The following USP38 variants were observed in gnomAD, a reference collection of about 807,000 sequenced individuals.
USP38 encodes the protein ubiquitin specific peptidase 38.
USP38 carries 49 observed loss-of-function variants against 94.3 expected under a neutral mutation model. The ratio of observed to expected loss-of-function variants is 0.52; its 90% confidence interval spans 0.41 to 0.66. The LOEUF (loss-of-function observed/expected upper bound fraction) is 0.66, where lower values mean the gene tolerates loss of function less well. USP38 is among the 30% of genes least tolerant of loss of function. The pLI, the probability that USP38 is intolerant of heterozygous loss-of-function variation, is 0.00. For synonymous variants in USP38, 468 were observed against 463.6 expected (o/e 1.01, Z -0.12); for missense variants, 1,128 against 1,229.4 (o/e 0.92, Z 1.23).
At chr4:143,202,879 C>T (rs993586904) in intron 4 of USP38, among the ~76,000 whole-genome samples, 2 of 152,064 alleles carry the variant, frequency 1.3e-5, no homozygotes, top group Non-Finnish European at 2.9e-5. Context: ...GGCATGGTCT[C>T]TGTGCTTATC....
In USP38 at chr4:143,203,006, A is replaced by G. The variant is rs550687559; in HGVS notation, c.1051-402A>G. On this transcript the variant is annotated intron_variant, in intron 4 of 9. Coordinates refer to ENST00000307017, the MANE Select transcript of USP38 (RefSeq NM_032557.6). ...CTTTCAAGTAAAAAATTTTAGATTC[A>G]CACTAGATGGAGCTCTTTAGCTAAT... 2.6e-5 allele frequency among the ~76,000 whole-genome samples: 4 copies of G among 152,236 alleles called. No individual in the cohort carries two copies. The East Asian group carries it at 7.7e-4, about 29-fold the overall frequency.
intron 6 of USP38, among the ~76,000 whole-genome samples, chr4:143,208,859 A>G (rs1731944694): frequency 6.6e-6 from 1 of 151,772 alleles, no homozygotes; most frequent in South Asian, 2.1e-4. Context: ...TCTTTATTTT[A>G]AGTACTTCAG....
At chr4:143,217,658 G>T (rs973564888) in intron 9 of USP38, among the ~76,000 whole-genome samples, 2 of 151,914 alleles carry the variant, frequency 1.3e-5, no homozygotes, top group African/African-American at 4.8e-5. Context: ...CTTTTTTTAG[G>T]ATTTCATTTT....
rs560147899 is a variant in USP38 at position 143,203,328 on chromosome 4, G to A, written c.1051-80G>A. ...GAAAAGTATCTGCTGATCATATATC[G>A]TTTGTGTTCTGTTTGTAGGCTAGAG... On this transcript the variant is annotated intron_variant, in intron 4 of 9. Transcript: ENST00000307017. 66 of 1,384,148 alleles carry A rather than the reference G, an allele frequency of 4.8e-5. No individual in the cohort carries two copies. In the Admixed American group the frequency reaches 4.9e-4, roughly 10 times the overall value. The allele number at this position is 1,384,148 out of a possible 1,614,324, so 85.7% of individuals were successfully genotyped here. A position where few individuals can be genotyped will look rare whatever the true frequency, so the allele number is the denominator to read the frequency against.
chr4:143,214,496 T>C lies in USP38; in HGVS notation c.2520T>C (p.Tyr840=). ...CTTCCTGCACAAAATTGGTGCCCTA[T>C]CTATTAAGTTCCGTTGTGGTTCACT... ...DEASCTKLVP[Y]LLSSVVVHSG... The change falls in exon 9 of 10, where the codon TAT becomes TAC. Residue 840 remains tyrosine, a synonymous_variant. Coordinates refer to ENST00000307017, the MANE Select transcript of USP38 (RefSeq NM_032557.6). 1.9e-6 allele frequency: 3 copies of C among 1,613,412 alleles called. No individual in the cohort carries two copies. Among genetic ancestry groups the C allele is most frequent in the Non-Finnish European group, 2.5e-6 (3 of 1,179,740 alleles).
intron 1 of USP38, 102 bp downstream of exon 1, chr4:143,186,234 C>A (rs909006226): frequency 2.4e-6 from 3 of 1,259,038 alleles, no homozygotes; most frequent in Non-Finnish European, 2.2e-6. Context: ...TAAAAACATT[C>A]TTAAGCGAGA....
At chr4:143,218,358 TTGATATAAATTTG>T (rs1256811740) in intron 9 of USP38, among the ~76,000 whole-genome samples, 7 of 152,262 alleles carry the variant, frequency 4.6e-5, no homozygotes, top group African/African-American at 1.7e-4. Context: ...ACTTTAGTAC[TTGATATAAATTTG>T]TGATATAAAT....
At position 143,222,681 on chromosome 4, in the gene USP38, T is replaced by G. The variant is rs1732354243; in HGVS notation, c.*2225T>G. 1 of 152,042 alleles carries G rather than the reference T, an allele frequency of 6.6e-6. No individual in the cohort carries two copies. The highest frequency in any genetic ancestry group is 2.4e-5 in the African/African-American group (1 of 41,434). The allele number at this position is 152,042 out of a possible 1,614,324, so 9.4% of individuals were successfully genotyped here. On this transcript the variant is annotated 3_prime_UTR_variant, in exon 10 of 10. Transcript: ENST00000307017. ...GAAGACTTCCTTTTAACATTAAAAA[T>G]ACAGTAACTTTTTACGTGATTTGTT...
rs915042768 is a variant in USP38, at chr4:143,223,634, G to A, written c.*3178G>A. 6.6e-6 allele frequency: 1 copy of A among 152,068 alleles called. No homozygotes were observed. The highest frequency in any genetic ancestry group is 1.5e-5 in the Non-Finnish European group (1 of 67,970). The allele number at this position is 152,068 out of a possible 1,614,324, so 9.4% of individuals were successfully genotyped here. A position where few individuals can be genotyped will look rare whatever the true frequency, so the allele number is the denominator to read the frequency against. On this transcript the variant is annotated 3_prime_UTR_variant, in exon 10 of 10. Transcript: ENST00000307017. ...GTTTAGGAAAAAAATAATTGGCACT[G>A]TTTGTCCAGTTACTGGAGATCTTCA...
chr4:143,205,623 A>T (rs1731837938), intron 5 of USP38, among the ~76,000 whole-genome samples: 1 of 152,184 alleles, frequency 6.6e-6, no homozygotes, highest in African/African-American at 2.4e-5. Context: ...TTTATTACAA[A>T]ATTTGAAAAC....
At chr4:143,207,680 T>A (rs1443274376) in intron 6 of USP38, among the ~76,000 whole-genome samples, 1 of 144,040 alleles carries the variant, frequency 6.9e-6, no homozygotes, top group Non-Finnish European at 1.5e-5. Flanking sequence ...TTTTTTTTTT[T>A]AGAGAGCAGC....
chr4:143,215,183 G>A, intron 9 of USP38: 1 of 472,806 alleles, frequency 2.1e-6, no homozygotes. Flanking sequence ...TACAAAAGAT[G>A]GCTCATTCTG....
intron 7 of USP38, among the ~76,000 whole-genome samples, chr4:143,210,460 G>A (rs1280111155): frequency 3.3e-5 from 5 of 151,958 alleles, no homozygotes; most frequent in Admixed American, 3.3e-4. Context: ...GGTGGCACAC[G>A]CCTGTAATCC....
intron 6 of USP38, among the ~76,000 whole-genome samples, chr4:143,208,147 G>A (rs1731923320): frequency 6.6e-6 from 1 of 151,882 alleles, no homozygotes; most frequent in Non-Finnish European, 1.5e-5. Flanking sequence ...ATTTGTATTC[G>A]AAATATTCCC....
intron 8 of USP38, 38 bp downstream of exon 8, chr4:143,212,462 C>T (rs764012442): frequency 7.1e-7 from 1 of 1,413,766 alleles, no homozygotes; most frequent in Admixed American, 2.1e-5. Flanking sequence ...TGAGTGTTGT[C>T]TTTCATAACA....
Position 143,197,861 on chromosome 4 carries a change from T to C in USP38, c.987T>C (p.Gly329=). 1 of 1,613,976 alleles carries C rather than the reference T, an allele frequency of 6.2e-7. No homozygotes were observed. Among genetic ancestry groups the C allele is most frequent in the Non-Finnish European group, 8.5e-7 (1 of 1,179,888 alleles). Residue 329 remains glycine (G), a synonymous_variant, in exon 4 of 10, where the codon GGT becomes GGC. Coordinates refer to ENST00000307017, the MANE Select transcript of USP38 (RefSeq NM_032557.6). ...TTTGGTTTCCTCTTGTGAGACCTGG[T>C]GCTCTTGCAGTTCTTTCTCACATGC... ...NRLWFPLVRP[G]ALAVLSHMLL... is the part of the protein sequence containing the mutation.
In USP38 at chr4:143,214,512, G is replaced by A. The variant is rs759403473; in HGVS notation, c.2536G>A (p.Val846Met). ...GGTGCCCTATCTATTAAGTTCCGTT[G>A]TGGTTCACTCTGGTATATCCTCTGA... ...KLVPYLLSSV[V>M]VHSGISSESG... The change falls in exon 9 of 10, where the codon GTG (valine) becomes ATG (methionine). Residue 846 changes from valine (V) to methionine (M), a missense_variant. Physicochemically the swap from Val to Met is conservative, Grantham distance 21. Transcript: ENST00000307017. 134 of 1,613,402 alleles carry A rather than the reference G, an allele frequency of 8.3e-5. No individual in the cohort carries two copies. Among genetic ancestry groups the A allele is most frequent in the Non-Finnish European group, 1.1e-4 (133 of 1,179,790 alleles).
chr4:143,209,529 C>T lies in USP38; in HGVS notation c.1404-35C>T, dbSNP rs373669194. 8.2e-5 allele frequency: 103 copies of T among 1,262,036 alleles called. 1 individual carries two copies. The African/African-American group carries it at 9.9e-4, about 12-fold the overall frequency. The allele number at this position is 1,262,036 out of a possible 1,614,324, so 78.2% of individuals were successfully genotyped here. A position where few individuals can be genotyped will look rare whatever the true frequency, so the allele number is the denominator to read the frequency against. ...CTTTTAATAAATGCATGTGTTTGTA[C>T]GCACATATATATAAATCATTATATT... On this transcript the variant is annotated intron_variant, in intron 6 of 9. Coordinates refer to ENST00000307017, the MANE Select transcript of USP38 (RefSeq NM_032557.6).
chr4:143,203,358 T>G (rs1317180264), intron 4 of USP38, 50 bp from the exon 5 acceptor site: 14 of 1,552,098 alleles, frequency 9.0e-6, no homozygotes, highest in Non-Finnish European at 1.2e-5. Flanking sequence ...CTAGAGAATG[T>G]GTTACCAATT....
Sources: gnomAD v4.1 joint callset for allele counts (sites outside exome capture counted in the v4.1 genomes callset) on GRCh38, gnomAD v4.1.1 for gene constraint, MANE v1.5 for transcripts, NCBI Gene and HGNC (gene_info 2026-07-23, HGNC 2026-07-21) for gene names.